Variants in AQP9 observed in about 807,000 individuals in gnomAD.
The protein encoded by AQP9 is aquaporin 9, also known as aquaporin-9.
A neutral mutation model predicts 23.8 loss-of-function variants in AQP9; 19 were observed. That is an observed-to-expected ratio of 0.80 (90% CI 0.56 to 1.17). AQP9 has a LOEUF of 1.17. Ranked by LOEUF, AQP9 falls within the 50% of genes most tolerant of loss-of-function variation. The pLI is 0.00. For synonymous variants in AQP9, 153 were observed against 131.5 expected (o/e 1.16, Z -1.12); for missense variants, 413 against 362.0 (o/e 1.14, Z -1.14).
intron 1 of AQP9, chr15:58,163,860 A>G (rs1595737332): frequency 6.6e-6 from 1 of 152,224 alleles, no homozygotes; most frequent in Admixed American, 6.5e-5. Flanking sequence ...CAAGCAGCCC[A>G]TGATATATTA....
chr15:58,156,809 A>T (rs565725129), intron 1 of AQP9, among the ~76,000 whole-genome samples: 3 of 152,284 alleles, frequency 2.0e-5, no homozygotes, highest in African/African-American at 7.2e-5. Context: ...CCACTTCCAG[A>T]TTCCCTAGCT....
rs529526755 is a variant in AQP9, at chr15:58,185,841, G to A, written c.*1706G>A. 6.6e-6 allele frequency: 1 copy of A among 152,218 alleles called. No homozygotes were observed. The highest frequency in any genetic ancestry group is 1.5e-5 in the Non-Finnish European group (1 of 68,026). 9.4% of individuals were successfully genotyped at this position (152,218 alleles called of 1,614,324 possible). ...ATGTTCTACAATCTATGGACATACG[G>A]GATTTTTTTTTCTTGCTTTGAAGCT... On this transcript the variant is annotated 3_prime_UTR_variant, in exon 6 of 6. Transcript: ENST00000219919.
chr15:58,163,510 C>G (rs1331114650), intron 1 of AQP9, among the ~76,000 whole-genome samples: 1 of 152,082 alleles, frequency 6.6e-6, no homozygotes, highest in African/African-American at 2.4e-5. Context: ...AGATTATGCA[C>G]TTGGAAGGTA....
At chr15:58,143,468 T>C (rs1437726216) in intron 1 of AQP9, among the ~76,000 whole-genome samples, 1 of 152,216 alleles carries the variant, frequency 6.6e-6, no homozygotes, top group Non-Finnish European at 1.5e-5. Flanking sequence ...AATTAGGACT[T>C]AGTATGTTTA....
chr15:58,143,378 C>T (rs1897984393), intron 1 of AQP9, among the ~76,000 whole-genome samples: 1 of 152,088 alleles, frequency 6.6e-6, no homozygotes, highest in Non-Finnish European at 1.5e-5. Flanking sequence ...TACTCTATAC[C>T]CCAGACACTT....
chr15:58,177,344 G>A (rs1296722281), intron 4 of AQP9, among the ~76,000 whole-genome samples: 1 of 152,128 alleles, frequency 6.6e-6, no homozygotes, highest in Non-Finnish European at 1.5e-5. Context: ...AATCTAACAA[G>A]TAAGTAGATA....
At chr15:58,175,290 G>C (rs1419641525) in intron 4 of AQP9, among the ~76,000 whole-genome samples, 1 of 152,220 alleles carries the variant, frequency 6.6e-6, no homozygotes, top group African/African-American at 2.4e-5. Context: ...AAGAGTGAAT[G>C]ACTAAACATT....
chr15:58,169,165 C>G (rs1898569802), intron 2 of AQP9, among the ~76,000 whole-genome samples: 1 of 152,100 alleles, frequency 6.6e-6, no homozygotes, highest in African/African-American at 2.4e-5. Flanking sequence ...CCTATAGTTA[C>G]AAGAGTAAGG....
At chr15:58,175,749 C>G (rs1408112119) in intron 4 of AQP9, among the ~76,000 whole-genome samples, 2 of 152,108 alleles carry the variant, frequency 1.3e-5, no homozygotes, top group Non-Finnish European at 2.9e-5. Flanking sequence ...TGGAGCAGAT[C>G]AGAATGGGCA....
In AQP9 at chr15:58,138,527, G is replaced by A; in HGVS notation, c.-39G>A. On this transcript the variant is annotated 5_prime_UTR_variant, in exon 1 of 6. Coordinates refer to ENST00000219919, the MANE Select transcript of AQP9 (RefSeq NM_020980.5). ...GTGAAAGTGAGGACCACAACAGGTA[G>A]GTATTGGTAGAAACAGGAGTCCTCA... 2.6e-6 allele frequency: 4 copies of A among 1,533,604 alleles called. No homozygotes were observed. Among genetic ancestry groups the A allele is most frequent in the Non-Finnish European group, 3.6e-6 (4 of 1,112,634 alleles). The allele number at this position is 1,533,604 out of a possible 1,614,324, so 95.0% of individuals were successfully genotyped here. A position where few individuals can be genotyped will look rare whatever the true frequency, so the allele number is the denominator to read the frequency against.
At chr15:58,158,500 G>A (rs1398426367) in intron 1 of AQP9, among the ~76,000 whole-genome samples, 1 of 152,084 alleles carries the variant, frequency 6.6e-6, no homozygotes, top group African/African-American at 2.4e-5. Context: ...TAGTGATAAG[G>A]GAATACAAGT....
At chr15:58,158,646 C>A (rs1232848070) in intron 1 of AQP9, among the ~76,000 whole-genome samples, 1 of 152,182 alleles carries the variant, frequency 6.6e-6, no homozygotes, top group Non-Finnish European at 1.5e-5. Flanking sequence ...AAGCGCATGA[C>A]AATCTTTCCC....
At chr15:58,161,221 G>A (rs2140609825) in intron 1 of AQP9, among the ~76,000 whole-genome samples, 1 of 152,242 alleles carries the variant, frequency 6.6e-6, no homozygotes, top group Non-Finnish European at 1.5e-5. Context: ...CCAAGGGAGA[G>A]AAGGGGAAGG....
At position 58,162,051 on chromosome 15, in the gene AQP9, A is replaced by C. The variant is rs780930368; in HGVS notation, c.112-4622A>C. Among the ~76,000 whole-genome samples the C allele has an allele frequency of 6.2e-4, 94 of 152,264 alleles. 1 individual carries two copies. Among genetic ancestry groups the C allele is most frequent in the Middle Eastern group, 3.2e-3 (1 of 316 alleles). The stretch of plus-strand genomic sequence containing the variant: ...GAAAATCAGGCATAAATATGTAAAC[A>C]GTTAAATAACATTCCATGGCTAAGT... On this transcript the variant is annotated intron_variant, in intron 1 of 5. Transcript: ENST00000219919.
At chr15:58,142,806 C>G (rs1233733097) in intron 1 of AQP9, among the ~76,000 whole-genome samples, 1 of 152,118 alleles carries the variant, frequency 6.6e-6, no homozygotes, top group African/African-American at 2.4e-5. Flanking sequence ...TGCTATTTTA[C>G]AAAACCATCC....
At chr15:58,175,138 A>G (rs1164630305) in intron 4 of AQP9, 102 bp downstream of exon 4, 2 of 1,129,816 alleles carry the variant, frequency 1.8e-6, no homozygotes, top group Admixed American at 1.9e-5. Context: ...GAGAGATTAT[A>G]TTTCCAAAGG....
At chr15:58,167,297 T>C (rs1898530785) in intron 2 of AQP9, among the ~76,000 whole-genome samples, 1 of 152,170 alleles carries the variant, frequency 6.6e-6, no homozygotes, top group African/African-American at 2.4e-5. Context: ...GTAAACTGAT[T>C]AGAAGCCATT....
intron 1 of AQP9, chr15:58,153,008 C>G (rs1424553494): frequency 6.6e-6 from 1 of 152,192 alleles, no homozygotes; most frequent in African/African-American, 2.4e-5. Flanking sequence ...CACCAATAAT[C>G]TCTTCCAACT....
intron 1 of AQP9, among the ~76,000 whole-genome samples, chr15:58,150,037 T>A (rs1037285071): frequency 6.6e-6 from 1 of 152,200 alleles, no homozygotes; most frequent in Non-Finnish European, 1.5e-5. Context: ...AAAAGCTTAA[T>A]GGTTTCCTCT....
Sources: gnomAD v4.1 joint callset for allele counts (sites outside exome capture counted in the v4.1 genomes callset) on GRCh38, gnomAD v4.1.1 for gene constraint, MANE v1.5 for transcripts, NCBI Gene and HGNC (gene_info 2026-07-23, HGNC 2026-07-21) for gene names.